Variants in TLN2 observed in about 807,000 individuals in gnomAD.
The protein encoded by TLN2 is talin-2.
Under a neutral mutation model 294.7 loss-of-function variants are expected in TLN2, and 118 were observed. That is an observed-to-expected ratio of 0.40 (90% CI 0.34 to 0.47). TLN2 has a LOEUF of 0.47. Ranked by LOEUF, TLN2 falls within the 20% of genes least tolerant of loss-of-function variation. TLN2 has a pLI of 0.84. For synonymous variants in TLN2, 1,431 were observed against 1,304.5 expected (o/e 1.10, Z -2.09); for missense variants, 3,083 against 3,282.2 (o/e 0.94, Z 1.48).
intron 1 of TLN2, among the ~76,000 whole-genome samples, chr15:62,418,732 G>A (rs571032186): frequency 6.6e-6 from 1 of 152,278 alleles, no homozygotes; most frequent in Non-Finnish European, 1.5e-5. Flanking sequence ...TTGCTGGCAG[G>A]GGCTGGATCT....
intron 3 of TLN2, among the ~76,000 whole-genome samples, chr15:62,619,678 G>T (rs1366529883): frequency 1.3e-5 from 2 of 152,140 alleles, no homozygotes; most frequent in African/African-American, 4.8e-5. Context: ...AAGAGGAGAG[G>T]CCACACAAAC....
At chr15:62,803,566 A>G (rs1318487387) in intron 50 of TLN2, among the ~76,000 whole-genome samples, 1 of 152,134 alleles carries the variant, frequency 6.6e-6, no homozygotes, top group African/African-American at 2.4e-5. Flanking sequence ...TATTTCTTCT[A>G]TGTGATCAGT....
At chr15:62,612,819 T>C (rs2048019981) in intron 2 of TLN2, among the ~76,000 whole-genome samples, 1 of 152,248 alleles carries the variant, frequency 6.6e-6, no homozygotes, top group Non-Finnish European at 1.5e-5. Context: ...TAGAAATGTA[T>C]GAAATGAACA....
intron 51 of TLN2, among the ~76,000 whole-genome samples, chr15:62,807,549 A>G (rs1450651041): frequency 1.3e-5 from 2 of 152,220 alleles, no homozygotes; most frequent in Non-Finnish European, 2.9e-5. Flanking sequence ...CCCAAGCTAC[A>G]GACGTGAACA....
intron 26 of TLN2, among the ~76,000 whole-genome samples, chr15:62,724,180 G>C (rs1432275524): frequency 6.6e-6 from 1 of 152,062 alleles, no homozygotes; most frequent in African/African-American, 2.4e-5. Context: ...GCAGGCTCTG[G>C]AATCAGACTG....
At chr15:62,655,011 T>C (rs2053046283) in intron 7 of TLN2, among the ~76,000 whole-genome samples, 1 of 152,048 alleles carries the variant, frequency 6.6e-6, no homozygotes, top group African/African-American at 2.4e-5. Flanking sequence ...GACATCATTA[T>C]TGCCATTGTG....
At chr15:62,446,169 G>A (rs924302870) in intron 1 of TLN2, among the ~76,000 whole-genome samples, 3 of 151,722 alleles carry the variant, frequency 2.0e-5, no homozygotes, top group East Asian at 1.9e-4. Flanking sequence ...ACCACGCCCC[G>A]CTAATTTTTT....
At chr15:62,739,696 C>A in intron 31 of TLN2, 151 bp downstream of exon 31, 1 of 877,920 alleles carries the variant, frequency 1.1e-6, no homozygotes, top group Non-Finnish European at 1.7e-6. Flanking sequence ...AAGCTCATGC[C>A]CTCATGGGAA....
At chr15:62,391,205 C>T (rs1430596371) in intron 1 of TLN2, among the ~76,000 whole-genome samples, 3 of 152,262 alleles carry the variant, frequency 2.0e-5, no homozygotes, top group Admixed American at 2.0e-4. Flanking sequence ...AGTCTCCCGC[C>T]GAGGCTCTGG....
intron 1 of TLN2, among the ~76,000 whole-genome samples, chr15:62,456,080 A>G (rs1297721741): frequency 1.3e-5 from 2 of 151,940 alleles, no homozygotes; most frequent in African/African-American, 4.8e-5. Context: ...AAAAAAAAAA[A>G]AGAACCTTAC....
At chr15:62,543,719 C>T (rs1398687556) in intron 1 of TLN2, among the ~76,000 whole-genome samples, 3 of 147,644 alleles carry the variant, frequency 2.0e-5, no homozygotes, top group African/African-American at 5.1e-5. Context: ...CGTGCCACTG[C>T]ACTCCAGCCT....
At chr15:62,572,578 C>T (rs957774276) in intron 1 of TLN2, among the ~76,000 whole-genome samples, 2 of 152,194 alleles carry the variant, frequency 1.3e-5, no homozygotes, top group African/African-American at 4.8e-5. Flanking sequence ...TACTCTCTGC[C>T]AAACTTTTCT....
intron 42 of TLN2, among the ~76,000 whole-genome samples, chr15:62,775,897 G>T (rs1024613041): frequency 6.6e-6 from 1 of 152,212 alleles, no homozygotes; most frequent in African/African-American, 2.4e-5. Context: ...CTTATAAATG[G>T]CAAGGCGCCT....
chr15:62,692,872 A>T lies in TLN2; in HGVS notation c.1146A>T (p.Ser382=), dbSNP rs1056594166. 6.2e-7 allele frequency: 1 copy of T among 1,613,642 alleles called. No individual in the cohort carries two copies. The highest frequency in any genetic ancestry group is 1.7e-5 in the Admixed American group (1 of 59,924). Residue 382 remains serine, a synonymous_variant, in exon 13 of 59, where the codon TCA becomes TCT. Coordinates refer to ENST00000636159, the MANE Select transcript of TLN2 (RefSeq NM_015059.3). ...DFGEYQESYY[S]VQTTEGEQIS... The stretch of plus-strand genomic sequence containing the variant: ...GGGAGTATCAGGAAAGCTACTATTC[A>T]GTACAAACCACCGAGGGAGAGCAGA...
chr15:62,545,162 T>A (rs931243812), intron 1 of TLN2, among the ~76,000 whole-genome samples: 7 of 151,716 alleles, frequency 4.6e-5, no homozygotes, highest in African/African-American at 1.5e-4. Flanking sequence ...ATGGTCTCAA[T>A]CTCCTGACCT....
chr15:62,474,803 A>C (rs917829689), intron 1 of TLN2, among the ~76,000 whole-genome samples: 8 of 151,774 alleles, frequency 5.3e-5, no homozygotes, highest in African/African-American at 1.9e-4. Context: ...TGTAGGTTAG[A>C]CTCCGGGCTG....
chr15:62,409,511 C>A (rs1372301925), intron 1 of TLN2, among the ~76,000 whole-genome samples: 1 of 152,168 alleles, frequency 6.6e-6, no homozygotes, highest in Non-Finnish European at 1.5e-5. Flanking sequence ...CATTCCCCTT[C>A]TCATTTTTTA....
intron 9 of TLN2, among the ~76,000 whole-genome samples, chr15:62,661,625 G>C (rs1021419559): frequency 6.6e-6 from 1 of 152,156 alleles, no homozygotes; most frequent in African/African-American, 2.4e-5. Flanking sequence ...GTAAGTAAAT[G>C]AAATGCAGCA....
chr15:62,836,175 C>T (rs1596204499), intron 57 of TLN2, 102 bp downstream of exon 57: 4 of 1,482,190 alleles, frequency 2.7e-6, no homozygotes, highest in Non-Finnish European at 3.6e-6. Flanking sequence ...ACCAGGCCTT[C>T]CATCAGCCAG....
Sources: allele counts gnomAD v4.1 joint callset (sites outside exome capture counted in the v4.1 genomes callset), GRCh38; gene constraint gnomAD v4.1.1; transcripts MANE v1.5; gene names NCBI Gene and HGNC (gene_info 2026-07-23, HGNC 2026-07-21).